The following MARCHF1 variants were observed in gnomAD, a reference collection of about 807,000 sequenced individuals.
MARCHF1 encodes E3 ubiquitin-protein ligase MARCHF1.
Under a neutral mutation model 54.2 loss-of-function variants are expected in MARCHF1, and 40 were observed. That is an observed-to-expected ratio of 0.74 (90% CI 0.57 to 0.96). The LOEUF is 0.96. Among genes scored for constraint, MARCHF1 ranks in the 40% least tolerant of loss-of-function variants. The pLI is 0.00. For missense variants in MARCHF1, 586 were observed against 656.5 expected (o/e 0.89, Z 1.17); for synonymous variants, 236 against 236.3 (o/e 1.00, Z 0.01).
intron 1 of MARCHF1, among the ~76,000 whole-genome samples, chr4:164,242,589 A>G (rs1478573618): frequency 6.6e-6 from 1 of 152,216 alleles, no homozygotes; most frequent in Non-Finnish European, 1.5e-5. Flanking sequence ...CTCCAAAGGA[A>G]TGCAGTTCCT....
Position 163,953,679 on chromosome 4 carries a change from A to C in MARCHF1, c.-39+34822T>G, listed in dbSNP as rs1752177959. 2.0e-5 allele frequency among the ~76,000 whole-genome samples: 3 copies of C among 152,200 alleles called. No homozygotes were observed. In the South Asian group the frequency reaches 6.2e-4, roughly 31 times the overall value. On this transcript the variant is annotated intron_variant, in intron 3 of 9. Coordinates refer to ENST00000514618, the MANE Select transcript of MARCHF1 (RefSeq NM_001394959.1). Reference sequence around the variant, plus strand: ...TCAGCAAACTATAGCCTGGAGTCCAAATCCATCCTACATATTTTGCATAGC... The same window carrying C: ...TCAGCAAACTATAGCCTGGAGTCCACATCCATCCTACATATTTTGCATAGC...
At chr4:163,644,921 C>A (rs1291738530) in intron 5 of MARCHF1, among the ~76,000 whole-genome samples, 2 of 152,140 alleles carry the variant, frequency 1.3e-5, no homozygotes, top group Non-Finnish European at 2.9e-5. Context: ...CAGTGACCTC[C>A]TAAGAGACAT....
At chr4:164,231,948 A>G (rs1387388219) in intron 1 of MARCHF1, among the ~76,000 whole-genome samples, 1 of 152,140 alleles carries the variant, frequency 6.6e-6, no homozygotes, top group Non-Finnish European at 1.5e-5. Context: ...ACCCCTAGTC[A>G]TATCATAAAC....
rs115393901 is a variant in MARCHF1 at position 164,138,674 on chromosome 4, A to G, written c.-322-27012T>C. On this transcript the variant is annotated intron_variant, in intron 1 of 9. Coordinates refer to ENST00000514618, the MANE Select transcript of MARCHF1 (RefSeq NM_001394959.1). Reference sequence around the variant, plus strand: ...AAGTGTCAGTCATTATCACTCCTCTACTTGCCTTGGTGATCTCATGAGGGC... The same window carrying G: ...AAGTGTCAGTCATTATCACTCCTCTGCTTGCCTTGGTGATCTCATGAGGGC... Among the ~76,000 whole-genome samples the G allele has an allele frequency of 4.5e-3, 689 of 152,236 alleles. 8 individuals are homozygous for G. The highest frequency in any genetic ancestry group is 0.015 in the African/African-American group (635 of 41,536).
At chr4:164,275,280 C>G (rs569013026) in intron 1 of MARCHF1, among the ~76,000 whole-genome samples, 2 of 152,100 alleles carry the variant, frequency 1.3e-5, no homozygotes, top group African/African-American at 4.8e-5. Context: ...TTCCTAGAAA[C>G]TGTTTTCCTC....
chr4:163,670,359 G>GATCTATCT lies in MARCHF1; in HGVS notation c.162+30446_162+30453dup, dbSNP rs34676660. Among the ~76,000 whole-genome samples the GATCTATCT allele has an allele frequency of 6.1e-4, 88 of 143,822 alleles. 1 individual carries two copies. Among genetic ancestry groups the GATCTATCT allele is most frequent in the Admixed American group, 2.2e-3 (32 of 14,296 alleles). The allele number at this position is 143,822 out of a possible 152,430, so 94.4% of individuals were successfully genotyped here. On this transcript the variant is annotated intron_variant, in intron 5 of 9. Transcript: ENST00000514618. ...AAGACAAATTATAGACCTAGAGTAG[G>GATCTATCT]ATCTATCTATCTATCTATCTATCTG...
intron 1 of MARCHF1, among the ~76,000 whole-genome samples, chr4:164,289,564 G>C (rs1345043026): frequency 6.9e-6 from 1 of 143,900 alleles, no homozygotes; most frequent in African/African-American, 2.6e-5. Flanking sequence ...GAGTGAATGA[G>C]CTGCTAGAAA....
rs1201636598 is a variant in MARCHF1, at chr4:163,776,815, T to C, written c.112-75952A>G. On this transcript the variant is annotated intron_variant, in intron 4 of 9. Transcript: ENST00000514618. ...TCACTGCTGTAGAAATGGTTAGTCT[T>C]GGGTAATGGAATTTAGAATATCTAA... is the stretch of plus-strand genomic sequence containing the variant. Among the ~76,000 whole-genome samples the C allele has an allele frequency of 2.0e-5, 3 of 152,154 alleles. No homozygotes were observed. In the South Asian group the frequency reaches 6.2e-4, roughly 31 times the overall value.
chr4:163,692,610 T>G (rs1744500338), intron 5 of MARCHF1, among the ~76,000 whole-genome samples: 1 of 143,224 alleles, frequency 7.0e-6, no homozygotes, highest in Non-Finnish European at 1.5e-5. Context: ...AGAATTTATG[T>G]TTTATTTCAA....
At chr4:163,613,171 A>T in intron 6 of MARCHF1, 133 bp from the exon 7 acceptor site, 1 of 1,236,814 alleles carries the variant, frequency 8.1e-7, no homozygotes, top group East Asian at 2.6e-5. Context: ...AAGAAAATGA[A>T]CTAAATGAAA....
At position 164,345,576 on chromosome 4, in the gene MARCHF1, A is replaced by C. The variant is rs1462790729; in HGVS notation, c.-323+38294T>G. 2.1e-3 allele frequency among the ~76,000 whole-genome samples: 32 copies of C among 15,182 alleles called. 1 individual carries two copies. Among genetic ancestry groups the C allele is most frequent in the Admixed American group, 0.017 (17 of 1,004 alleles). 10.0% of individuals were successfully genotyped at this position (15,182 alleles called of 152,430 possible). A position where few individuals can be genotyped will look rare whatever the true frequency, so the allele number is the denominator to read the frequency against. ...CTGAGCAAGAATCTGTCTCAAACATAATAATAATAATAATAATAATAATAA... is the reference window on the plus strand; with the variant it reads ...CTGAGCAAGAATCTGTCTCAAACATCATAATAATAATAATAATAATAATAA... On this transcript the variant is annotated intron_variant, in intron 1 of 9. Coordinates refer to ENST00000514618, the MANE Select transcript of MARCHF1 (RefSeq NM_001394959.1).
At chr4:163,529,077 C>G (rs1276068772) in intron 9 of MARCHF1, 31 bp from the exon 10 acceptor site, 1 of 1,552,528 alleles carries the variant, frequency 6.4e-7, no homozygotes, top group South Asian at 1.2e-5. Context: ...AATGTTATCA[C>G]CAAGTTGTCC....
chr4:163,742,832 T>G (rs189132525), intron 4 of MARCHF1, among the ~76,000 whole-genome samples: 1 of 152,320 alleles, frequency 6.6e-6, no homozygotes, highest in African/African-American at 2.4e-5. Flanking sequence ...AATCTGTATT[T>G]TAAACTATCA....
intron 2 of MARCHF1, among the ~76,000 whole-genome samples, chr4:164,101,074 C>A (rs984604816): frequency 6.6e-6 from 1 of 152,228 alleles, no homozygotes; most frequent in Non-Finnish European, 1.5e-5. Context: ...AAACTGTGCA[C>A]CACAAGATTA....
intron 8 of MARCHF1, among the ~76,000 whole-genome samples, chr4:163,578,051 T>G (rs898834589): frequency 9.9e-5 from 15 of 151,888 alleles, no homozygotes; most frequent in Non-Finnish European, 1.9e-4. Flanking sequence ...GCTTCTGACT[T>G]CTGCACACTC....
intron 4 of MARCHF1, among the ~76,000 whole-genome samples, chr4:163,747,644 G>A (rs1746400276): frequency 6.6e-6 from 1 of 152,142 alleles, no homozygotes; most frequent in South Asian, 2.1e-4. Flanking sequence ...GGACCAAATT[G>A]AACTTCTAGA....
chr4:163,601,745 CTACTT>C (rs1314167850), intron 7 of MARCHF1, among the ~76,000 whole-genome samples: 10 of 152,034 alleles, frequency 6.6e-5, no homozygotes, highest in Non-Finnish European at 4.4e-5. Context: ...ATATTCAAAT[CTACTT>C]TAATTTTTTT....
At chr4:164,162,382 A>G (rs971219378) in intron 1 of MARCHF1, among the ~76,000 whole-genome samples, 1 of 152,120 alleles carries the variant, frequency 6.6e-6, no homozygotes, top group African/African-American at 2.4e-5. Context: ...GAGAAGGTTT[A>G]TAGGCCTAGG....
intron 2 of MARCHF1, among the ~76,000 whole-genome samples, chr4:164,024,889 A>G (rs1055606804): frequency 2.4e-4 from 36 of 152,208 alleles, no homozygotes; most frequent in African/African-American, 8.7e-4. Context: ...GGGATATAGA[A>G]AGATCTACCA....
Sources: allele counts gnomAD v4.1 joint callset (sites outside exome capture counted in the v4.1 genomes callset), GRCh38; gene constraint gnomAD v4.1.1; transcripts MANE v1.5; gene names NCBI Gene and HGNC (gene_info 2026-07-23, HGNC 2026-07-21).